Variants in NARS1 observed in about 807,000 individuals in gnomAD.
The protein encoded by NARS1 is asparaginyl-tRNA synthetase 1.
In NARS1, 65 loss-of-function variants were observed where a neutral mutation model predicts 79.2. The ratio of observed to expected loss-of-function variants is 0.82; its 90% CI spans 0.67 to 1.01. NARS1 has a LOEUF of 1.01. Among genes scored for constraint, NARS1 ranks in the 50% least tolerant of loss-of-function variants. The probability of loss-of-function intolerance (pLI) is 0.00; values close to 1 mark genes in which losing one functional copy is unlikely to be tolerated. For synonymous variants in NARS1, 229 were observed against 238.8 expected (o/e 0.96, Z 0.38); for missense variants, 649 against 673.8 (o/e 0.96, Z 0.41).
intron 13 of NARS1, 79 bp from the exon 14 acceptor site, chr18:57,601,862 C>A: frequency 6.7e-7 from 1 of 1,487,276 alleles, no homozygotes; most frequent in Non-Finnish European, 9.3e-7. Flanking sequence ...AAATTTTCCA[C>A]CATGAAAGGA....
intron 13 of NARS1, among the ~76,000 whole-genome samples, chr18:57,602,093 C>G (rs1419539838): frequency 6.6e-6 from 1 of 152,094 alleles, no homozygotes; most frequent in African/African-American, 2.4e-5. Context: ...AAGAAGGGTA[C>G]TAGATACTGG....
chr18:57,601,826 G>A, intron 13 of NARS1, 43 bp from the exon 14 acceptor site: 1 of 1,597,780 alleles, frequency 6.3e-7, no homozygotes, highest in South Asian at 1.1e-5. Context: ...AAATACTTAA[G>A]TTAAAACTTT....
At chr18:57,609,336 T>C in intron 7 of NARS1, 21 bp downstream of exon 7, 7 of 1,574,518 alleles carry the variant, frequency 4.4e-6, no homozygotes, top group South Asian at 1.1e-5. Context: ...ATTCACCCAG[T>C]GCGAAACTCA....
In NARS1 at chr18:57,601,328, C is replaced by G. The variant is rs1036654141; in HGVS notation, c.*324G>C. On this transcript the variant is annotated 3_prime_UTR_variant, in exon 14 of 14. Transcript: ENST00000256854. ...CATAATCTAAAATTGTTGAATTATA[C>G]ATACATATAACTTGAATAAAATGAA... 1.1e-5 allele frequency: 2 copies of G among 182,542 alleles called. No homozygotes were observed. Among genetic ancestry groups the G allele is most frequent in the African/African-American group, 4.7e-5 (2 of 42,604 alleles). The allele number at this position is 182,542 out of a possible 1,614,324, so 11.3% of individuals were successfully genotyped here.
intron 6 of NARS1, among the ~76,000 whole-genome samples, chr18:57,611,380 GA>G (rs1219083351): frequency 2.0e-5 from 3 of 152,214 alleles, no homozygotes; most frequent in Non-Finnish European, 4.4e-5. Context: ...GAAGCTGGGT[GA>G]TGGGCATTTG....
chr18:57,608,281 T>G (rs1368420869), intron 7 of NARS1, among the ~76,000 whole-genome samples: 1 of 151,744 alleles, frequency 6.6e-6, no homozygotes. Context: ...AAACCCCATC[T>G]CTACTAAAAA....
At chr18:57,605,134 A>T (rs79210765) in intron 11 of NARS1, among the ~76,000 whole-genome samples, 63,754 of 135,160 alleles carry the variant, frequency 0.47, 15,483 homozygotes, top group Admixed American at 0.55. Context: ...AAAAAAAAAA[A>T]ATATATATAT....
At position 57,602,895 on chromosome 18, in the gene NARS1, GTTCA is replaced by G; in HGVS notation, c.1296_1299del (p.Glu433GlnfsTer32). 1 of 1,614,068 alleles carries G rather than the reference GTTCA, an allele frequency of 6.2e-7. No homozygotes were observed. The highest frequency in any genetic ancestry group is 8.5e-7 in the Non-Finnish European group (1 of 1,179,962). On this transcript the variant is annotated frameshift_variant, in exon 12 of 14. Transcript: ENST00000256854. LOFTEE classifies it high-confidence loss of function. ...ACAGGAAATCGACACAGCAAGATTG[GTTCA>G]TTAATGGTGTCTGTCATCAGTCTCT...
intron 1 of NARS1, among the ~76,000 whole-genome samples, chr18:57,621,489 G>C (rs975950462): frequency 1.3e-5 from 2 of 152,180 alleles, no homozygotes; most frequent in Admixed American, 6.5e-5. Flanking sequence ...CGCCATCGCA[G>C]CCCGGGGGAA....
chr18:57,607,751 G>C (rs1260599052), intron 7 of NARS1, 86 bp from the exon 8 acceptor site: 2 of 1,155,620 alleles, frequency 1.7e-6, no homozygotes, highest in Non-Finnish European at 2.4e-6. Context: ...TTATGTCAAA[G>C]TTTTGGTAAG....
rs763554650 is a variant in NARS1, at chr18:57,615,964, T to A, written c.105A>T (p.Thr35=). Reference sequence around the variant, plus strand: ...TGGTAGGAAATGGTTCTTTCCCTACTGTCATCAAAGCCTTGGGTAGGGAGG... The same window carrying A: ...TGGTAGGAAATGGTTCTTTCCCTACAGTCATCAAAGCCTTGGGTAGGGAGG... The part of the protein sequence containing the change: ...PFKTGLKALM[T]VGKEPFPTIY... The change falls in exon 3 of 14, where the codon ACA becomes ACT. Residue 35 remains threonine (T), a synonymous_variant. Transcript: ENST00000256854. The A allele has an allele frequency of 4.4e-6, 7 of 1,607,230 alleles. No individual in the cohort carries two copies. In the East Asian group the frequency reaches 8.9e-5, roughly 20 times the overall value.
chr18:57,614,970 G>C (rs1599038338), intron 4 of NARS1, among the ~76,000 whole-genome samples: 1 of 151,310 alleles, frequency 6.6e-6, no homozygotes, highest in Non-Finnish European at 1.5e-5. Flanking sequence ...GAGCCCAGGA[G>C]TTTGAAACCA....
intron 2 of NARS1, among the ~76,000 whole-genome samples, chr18:57,619,363 T>C (rs1372882318): frequency 6.6e-6 from 1 of 151,220 alleles, no homozygotes; most frequent in East Asian, 1.9e-4. Context: ...TCTCTATTTA[T>C]TTTTTAAATT....
rs367826619 is a variant in NARS1 at position 57,601,607 on chromosome 18, C to A, written c.*45G>T. 3 of 1,590,600 alleles carry A rather than the reference C, an allele frequency of 1.9e-6. No homozygotes were observed. The highest frequency in any genetic ancestry group is 2.2e-5 in the East Asian group (1 of 44,588). ...GCTTTTTGTTTTCTTTTTTAAAGAG[C>A]CTGTTCCTTTCATAATCTTTCCTCC... On this transcript the variant is annotated 3_prime_UTR_variant, in exon 14 of 14. Transcript: ENST00000256854.
At chr18:57,604,401 A>C (rs977652763) in intron 11 of NARS1, among the ~76,000 whole-genome samples, 7 of 152,134 alleles carry the variant, frequency 4.6e-5, no homozygotes, top group South Asian at 2.1e-4. Context: ...AAAAAAAAAA[A>C]ACCAAAAAAC....
intron 6 of NARS1, among the ~76,000 whole-genome samples, chr18:57,611,025 G>A (rs2051600776): frequency 6.8e-6 from 1 of 147,332 alleles, no homozygotes; most frequent in South Asian, 2.1e-4. Context: ...GGAAGGTGGT[G>A]GCATCATCTT....
intron 6 of NARS1, among the ~76,000 whole-genome samples, 155 bp from the exon 7 acceptor site, chr18:57,609,598 A>G (rs1206754126): frequency 6.6e-6 from 1 of 152,228 alleles, no homozygotes; most frequent in Non-Finnish European, 1.5e-5. Flanking sequence ...ATTAAAATAG[A>G]TATTTTTGTG....
At chr18:57,619,219 C>G (rs888062845) in intron 2 of NARS1, among the ~76,000 whole-genome samples, 1 of 150,308 alleles carries the variant, frequency 6.7e-6, no homozygotes, top group Non-Finnish European at 1.5e-5. Flanking sequence ...CTCAGTCTCC[C>G]GAGTAGCTGG....
chr18:57,609,991 G>A (rs912769548), intron 6 of NARS1, among the ~76,000 whole-genome samples: 2 of 152,070 alleles, frequency 1.3e-5, no homozygotes, highest in Non-Finnish European at 2.9e-5. Context: ...AGGCTGCAAT[G>A]AGCTATGATG....
Sources: allele counts gnomAD v4.1 joint callset (sites outside exome capture counted in the v4.1 genomes callset), GRCh38; gene constraint gnomAD v4.1.1; transcripts MANE v1.5; gene names NCBI Gene and HGNC (gene_info 2026-07-23, HGNC 2026-07-21).